The following CAPN12 variants were observed in gnomAD, a reference collection of about 807,000 sequenced individuals.
CAPN12 encodes calpain 12, also known as calpain-12.
A neutral mutation model predicts 95.0 loss-of-function variants in CAPN12; 107 were observed. The observed-to-expected ratio is 1.13, with a 90% CI of 0.96 to 1.32. CAPN12 has a LOEUF of 1.32. CAPN12 is among the 40% of genes most tolerant of loss of function. The probability of loss-of-function intolerance (pLI) is 0.00; values close to 1 mark genes in which losing one functional copy is unlikely to be tolerated. For missense variants in CAPN12, 1,136 were observed against 997.8 expected (o/e 1.14, Z -1.87); for synonymous variants, 505 against 415.5 (o/e 1.22, Z -2.62).
chr19:38,731,080 GCC>G (rs1969557189), intron 19 of CAPN12, 25 bp downstream of exon 19: 21 of 1,093,194 alleles, frequency 1.9e-5, no homozygotes, highest in Non-Finnish European at 2.6e-5. Context: ...TTCCCCCCAT[GCC>G]CCACCATGCC....
intron 12 of CAPN12, 48 bp from the exon 13 acceptor site, chr19:38,735,592 G>A (rs771934063): frequency 1.1e-5 from 17 of 1,589,028 alleles, no homozygotes; most frequent in Admixed American, 1.7e-5. Context: ...TGCCCCAGCT[G>A]GGGCTGTGTG....
At chr19:38,730,937 G>A in intron 20 of CAPN12, 28 bp downstream of exon 20, 4 of 1,550,516 alleles carry the variant, frequency 2.6e-6, no homozygotes, top group South Asian at 1.2e-5. Context: ...CAGAGCCTGA[G>A]CCACCCTGTC....
chr19:38,742,645 G>T, intron 2 of CAPN12, 117 bp from the exon 3 acceptor site: 1 of 709,368 alleles, frequency 1.4e-6, no homozygotes, highest in South Asian at 1.9e-5. Context: ...GTGAGCCTAG[G>T]AGTTCAAGAC....
In CAPN12 at chr19:38,738,668, G is replaced by A. The variant is rs1314052354; in HGVS notation, c.730-20C>T. ...ATCACTCTGGGCAGGGGATGGGATG[G>A]TGAGGCCAAGGTAGGGGACAGGAGG... On this transcript the variant is annotated intron_variant, in intron 5 of 20. Coordinates refer to ENST00000328867, the MANE Select transcript of CAPN12 (RefSeq NM_144691.4). 6.2e-7 allele frequency: 1 copy of A among 1,613,202 alleles called. No homozygotes were observed. The highest frequency in any genetic ancestry group is 8.5e-7 in the Non-Finnish European group (1 of 1,179,448).
intron 11 of CAPN12, 40 bp from the exon 12 acceptor site, chr19:38,736,358 C>A: frequency 6.8e-7 from 1 of 1,467,358 alleles, no homozygotes; most frequent in Non-Finnish European, 9.1e-7. Context: ...AGGCTCACCC[C>A]CGGCCCTTCA....
rs574197181 is a variant in CAPN12 at position 38,736,259 on chromosome 19, G to A, written c.1434C>T (p.Ala478=). ...GGCGGGCGCTGAGGGGCGAGCGGTC[G>A]GCGCGCAGCAGCCGGGGCAGGAGCG... ...SHALLPRLLR[A]DRSPLSARRD... is the part of the protein sequence containing the mutation. Residue 478 remains alanine (A), a synonymous_variant, in exon 12 of 21, where the codon GCC becomes GCT. Coordinates refer to ENST00000328867, the MANE Select transcript of CAPN12 (RefSeq NM_144691.4). The A allele has an allele frequency of 1.8e-3, 2,586 of 1,465,884 alleles. 43 individuals carry two copies. In the African/African-American group the frequency reaches 0.034, roughly 20 times the overall value. The allele number at this position is 1,465,884 out of a possible 1,614,324, so 90.8% of individuals were successfully genotyped here. A position where few individuals can be genotyped will look rare whatever the true frequency, so the allele number is the denominator to read the frequency against.
Position 38,734,085 on chromosome 19 carries a change from G to A in CAPN12, c.1878+57C>T, listed in dbSNP as rs547855616. 1.5e-4 allele frequency: 234 copies of A among 1,592,582 alleles called. No individual in the cohort carries two copies. In the East Asian group the frequency reaches 4.3e-3, roughly 30 times the overall value. On this transcript the variant is annotated intron_variant, in intron 17 of 20. Transcript: ENST00000328867. ...ACCTGATAGCCCACAGGGTGCCTAT[G>A]TCTCTGTTAGTAAAGGTTTCTCTCT...
intron 18 of CAPN12, among the ~76,000 whole-genome samples, chr19:38,731,979 G>A (rs1038188508): frequency 5.9e-5 from 9 of 152,220 alleles, no homozygotes; most frequent in African/African-American, 1.4e-4. Flanking sequence ...ATCTGCCCTC[G>A]GGCATAGGGG....
chr19:38,739,486 GAGAGAC>G (rs142351205), intron 5 of CAPN12: 22,505 of 143,918 alleles, frequency 0.16, 2,011 homozygotes, highest in Middle Eastern at 0.36. Flanking sequence ...GGAAAGAGTA[GAGAGAC>G]AGAGACAGAG....
At chr19:38,734,103 TTC>T (rs763985014) in intron 17 of CAPN12, 37 bp downstream of exon 17, 1 of 1,608,624 alleles carries the variant, frequency 6.2e-7, no homozygotes, top group Non-Finnish European at 8.5e-7. Context: ...TAGTAAAGGT[TTC>T]TCTCTTTCTG....
intron 10 of CAPN12, 162 bp from the exon 11 acceptor site, chr19:38,736,725 C>A (rs986613150): frequency 2.3e-6 from 2 of 857,100 alleles, no homozygotes; most frequent in Admixed American, 2.9e-5. Context: ...AGGCCCTCGC[C>A]GACCCCTCCC....
Position 38,730,880 on chromosome 19 carries a change from T to TAAGGAAGAG in CAPN12, c.2134-11_2134-3dup, listed in dbSNP as rs911096944. 1.9e-6 allele frequency: 3 copies of TAAGGAAGAG among 1,551,488 alleles called. No individual in the cohort carries two copies. Among genetic ancestry groups the TAAGGAAGAG allele is most frequent in the African/African-American group, 2.7e-5 (2 of 73,062 alleles). ...GGAGAAGGTGGCCACCTCCATCCACTAAGGAAGAGAAGGAAGACAGTGGCT... is the reference window on the plus strand; with the variant it reads ...GGAGAAGGTGGCCACCTCCATCCACTAAGGAAGAGAAGGAAGAGAAGGAAGACAGTGGCT... On this transcript the variant is annotated splice_polypyrimidine_tract_variant and splice_region_variant and intron_variant, in intron 20 of 20. Transcript: ENST00000328867.
rs754995659 is a variant in CAPN12 at position 38,742,019 on chromosome 19, C to T, written c.427-109G>A. ...GTCAGGAATTACAGCCCCAAGTCAACGTTAACTATGAAATCCATATGGCTG... is the reference window on the plus strand; with the variant it reads ...GTCAGGAATTACAGCCCCAAGTCAATGTTAACTATGAAATCCATATGGCTG... On this transcript the variant is annotated intron_variant, in intron 3 of 20. Coordinates refer to ENST00000328867, the MANE Select transcript of CAPN12 (RefSeq NM_144691.4). The T allele has an allele frequency of 2.4e-4, 354 of 1,471,364 alleles. 1 individual carries two copies. The highest frequency in any genetic ancestry group is 3.1e-4 in the Non-Finnish European group (340 of 1,092,490). The allele number at this position is 1,471,364 out of a possible 1,614,324, so 91.1% of individuals were successfully genotyped here. A position where few individuals can be genotyped will look rare whatever the true frequency, so the allele number is the denominator to read the frequency against.
At position 38,731,119 on chromosome 19, in the gene CAPN12, T is replaced by G. The variant is rs779096128; in HGVS notation, c.2062A>C (p.Thr688Pro). The change falls in exon 19 of 21, where the codon ACC (threonine) becomes CCC (proline). Residue 688 changes from threonine (T) to proline (P), a missense_variant. Transcript: ENST00000328867. ...GGGTGGTACTCACAGAAGATGCAGGTGAGGTGGGCCACACAGGACACGAAC... is the reference window on the plus strand; with the variant it reads ...GGGTGGTACTCACAGAAGATGCAGGGGAGGTGGGCCACACAGGACACGAAC... ...ERFVSCVAHL[T>P]CIFCHCSQHL... The G allele has an allele frequency of 6.8e-6, 11 of 1,611,280 alleles. No individual in the cohort carries two copies. The South Asian group carries it at 1.1e-4, about 16-fold the overall frequency.
Position 38,736,308 on chromosome 19 carries a change from A to G in CAPN12, c.1385T>C (p.Leu462Pro). The G allele has an allele frequency of 7.0e-7, 1 of 1,435,874 alleles. No homozygotes were observed. Among genetic ancestry groups the G allele is most frequent in the Non-Finnish European group, 9.1e-7 (1 of 1,099,836 alleles). The allele number at this position is 1,435,874 out of a possible 1,614,324, so 88.9% of individuals were successfully genotyped here. Reference protein sequence around the residue: ...VFQIPEELLGLWDSPRSHALL... With the variant: ...VFQIPEELLGPWDSPRSHALL... ...CGCATGGCTGCGCGGGGAATCCCAGAGGCCCAGCAGCTGGGGACGGGGCGG... is the reference window on the plus strand; with the variant it reads ...CGCATGGCTGCGCGGGGAATCCCAGGGGCCCAGCAGCTGGGGACGGGGCGG... The change falls in exon 12 of 21, where the codon CTC (leucine) becomes CCC (proline). Residue 462 changes from leucine to proline, a missense_variant. Transcript: ENST00000328867.
At chr19:38,736,040 T>TGGGGG in intron 12 of CAPN12, 70 bp downstream of exon 12, 3 of 957,818 alleles carry the variant, frequency 3.1e-6, no homozygotes, top group Non-Finnish European at 4.0e-6. Flanking sequence ...CTCGGGGGTC[T>TGGGGG]CGGGGGTCTC....
At chr19:38,741,726 T>C (rs749725515) in intron 4 of CAPN12, 51 bp downstream of exon 4, 7 of 1,603,556 alleles carry the variant, frequency 4.4e-6, no homozygotes, top group Non-Finnish European at 4.3e-6. Context: ...TGTGGCTTGA[T>C]GCCTGCTGTG....
chr19:38,744,104 G>T lies in CAPN12; in HGVS notation c.62C>A (p.Ala21Asp), dbSNP rs1970752166. The T allele has an allele frequency of 1.2e-6, 2 of 1,614,144 alleles. No individual in the cohort carries two copies. The highest frequency in any genetic ancestry group is 2.2e-5 in the South Asian group (2 of 91,084). Residue 21 changes from alanine to aspartate, a missense_variant, in exon 1 of 21, where the codon GCC (alanine) becomes GAC (aspartate). Transcript: ENST00000328867. ...GCCCCGAAAAAGCTGCAGGCGCCCG[G>T]CTCCGACCCCAGCCTCCTCATCCAC... Reference protein sequence around the residue: ...QLVDEEAGVGAGRLQLFRGQS... With the variant: ...QLVDEEAGVGDGRLQLFRGQS...
chr19:38,736,228 C>G lies in CAPN12; in HGVS notation c.1465G>C (p.Val489Leu), dbSNP rs1390269775. 1.9e-5 allele frequency: 29 copies of G among 1,495,616 alleles called. No individual in the cohort carries two copies. Among genetic ancestry groups the G allele is most frequent in the Non-Finnish European group, 2.6e-5 (29 of 1,128,698 alleles). The allele number at this position is 1,495,616 out of a possible 1,614,324, so 92.6% of individuals were successfully genotyped here. A position where few individuals can be genotyped will look rare whatever the true frequency, so the allele number is the denominator to read the frequency against. ...DRSPLSARRDVTRRCCLRPGH... is the reference protein window; with the variant it reads ...DRSPLSARRDLTRRCCLRPGH... Reference sequence around the variant, plus strand: ...GGACGCAGGCAGCAGCGGCGGGTCACGTCGCGGCGGGCGCTGAGGGGCGAG... The same window carrying G: ...GGACGCAGGCAGCAGCGGCGGGTCAGGTCGCGGCGGGCGCTGAGGGGCGAG... The change falls in exon 12 of 21, where the codon GTG becomes CTG. Residue 489 changes from valine to leucine, a missense_variant. Coordinates refer to ENST00000328867, the MANE Select transcript of CAPN12 (RefSeq NM_144691.4).
Sources: allele counts gnomAD v4.1 joint callset (sites outside exome capture counted in the v4.1 genomes callset), GRCh38; gene constraint gnomAD v4.1.1; transcripts MANE v1.5; gene names NCBI Gene and HGNC (gene_info 2026-07-23, HGNC 2026-07-21).